Variants in APOH observed in about 807,000 individuals in gnomAD.
APOH encodes the protein apolipoprotein H.
A neutral mutation model predicts 39.8 loss-of-function variants in APOH; 48 were observed. The observed-to-expected ratio is 1.21, with a 90% CI of 0.96 to 1.54. The LOEUF (loss-of-function observed/expected upper bound fraction) is 1.54. APOH is among the 40% of genes most tolerant of loss of function. The pLI, the probability that APOH is intolerant of heterozygous loss-of-function variation, is 0.00. For synonymous variants in APOH, 153 were observed against 151.1 expected, an observed-to-expected ratio of 1.01 and a Z score of -0.09; for missense variants, 415 against 421.2, an observed-to-expected ratio of 0.99 and a Z score of 0.13.
intron 3 of APOH, 83 bp from the exon 4 acceptor site, chr17:66,223,857 T>C: frequency 2.5e-6 from 3 of 1,202,522 alleles, no homozygotes; most frequent in Non-Finnish European, 3.7e-6. Context: ...GAGCATTGCT[T>C]CATGTTAATG....
intron 3 of APOH, among the ~76,000 whole-genome samples, chr17:66,224,697 G>T (rs1296824079): frequency 7.1e-5 from 4 of 56,350 alleles, no homozygotes; most frequent in African/African-American, 2.9e-4. Context: ...GGAAGGGAAA[G>T]GAAAGGAAAG....
At chr17:66,226,246 T>G (rs1342628092) in intron 2 of APOH, 122 bp from the exon 3 acceptor site, 1 of 692,738 alleles carries the variant, frequency 1.4e-6, no homozygotes, top group Admixed American at 2.9e-5. Flanking sequence ...CATCCTTTGG[T>G]TCAATAACTT....
intron 6 of APOH, among the ~76,000 whole-genome samples, chr17:66,215,855 G>A (rs2873966): frequency 0.23 from 35,579 of 152,000 alleles, 4,613 homozygotes; most frequent in Non-Finnish European, 0.3. Context: ...ATTGAGATAC[G>A]GAAAAAGTAG....
intron 1 of APOH, among the ~76,000 whole-genome samples, 191 bp from the exon 2 acceptor site, chr17:66,228,387 C>A (rs949971232): frequency 2.6e-5 from 4 of 152,154 alleles, no homozygotes; most frequent in Non-Finnish European, 5.9e-5. Flanking sequence ...ATAATTATCC[C>A]CATTTTACAG....
chr17:66,212,856 A>T (rs945832187), intron 7 of APOH, among the ~76,000 whole-genome samples: 1 of 152,116 alleles, frequency 6.6e-6, no homozygotes, highest in Non-Finnish European at 1.5e-5. Context: ...GACTTTTTTC[A>T]ATTATTCTTT....
At chr17:66,215,548 T>C (rs557672964) in intron 6 of APOH, among the ~76,000 whole-genome samples, 1 of 152,354 alleles carries the variant, frequency 6.6e-6, no homozygotes, top group Admixed American at 6.5e-5. Context: ...GCTCTGCTTC[T>C]AGGGAACTGT....
chr17:66,221,066 G>T (rs946171163), intron 4 of APOH, among the ~76,000 whole-genome samples: 1 of 151,824 alleles, frequency 6.6e-6, no homozygotes, highest in Admixed American at 6.6e-5. Flanking sequence ...GGAGGTGTGT[G>T]TCTGTGGTCC....
rs569525743 is a variant in APOH at position 66,223,926 on chromosome 17, A to C, written c.339-152T>G. On this transcript the variant is annotated intron_variant, in intron 3 of 7. Coordinates refer to ENST00000205948, the MANE Select transcript of APOH (RefSeq NM_000042.3). ...TTCCTGACAAACTTAGTACTCATCT[A>C]TGGCTCATGGAGCCTCCCAACCAAT... 10 of 667,490 alleles carry C rather than the reference A, an allele frequency of 1.5e-5. No homozygotes were observed. In the South Asian group the frequency reaches 1.7e-4, roughly 11 times the overall value. 41.3% of individuals were successfully genotyped at this position (667,490 alleles called of 1,614,324 possible).
At chr17:66,217,836 AG>A (rs2073374844) in intron 5 of APOH, among the ~76,000 whole-genome samples, 1 of 152,020 alleles carries the variant, frequency 6.6e-6, no homozygotes, top group African/African-American at 2.4e-5. Context: ...CCAGCCACTC[AG>A]GAGGCTAAGG....
At chr17:66,217,065 CTG>C in intron 5 of APOH, 98 bp from the exon 6 acceptor site, 2 of 975,720 alleles carry the variant, frequency 2.0e-6, no homozygotes, top group Non-Finnish European at 2.9e-6. Flanking sequence ...CACTGAATCA[CTG>C]TGTGTTCCTG....
chr17:66,214,397 T>C (rs747761319), intron 7 of APOH, 56 bp downstream of exon 7: 65 of 1,500,080 alleles, frequency 4.3e-5, no homozygotes, highest in Middle Eastern at 1.8e-4. Context: ...ACAAAGGCTC[T>C]GATTATGATG....
chr17:66,214,546 A>G lies in APOH; in HGVS notation c.889T>C (p.Ser297Pro), dbSNP rs1393240129. ...KNGMLHGDKVSFFCKNKEKKC... is the reference protein window; with the variant it reads ...KNGMLHGDKVPFFCKNKEKKC... ...TTTTCCTTATTTTTGCAGAAGAAAGAAACTTTATCACCATGTAGCATTCCA... is the reference window on the plus strand; with the variant it reads ...TTTTCCTTATTTTTGCAGAAGAAAGGAACTTTATCACCATGTAGCATTCCA... Residue 297 changes from serine to proline, a missense_variant, in exon 7 of 8, where the codon TCT (serine) becomes CCT (proline). Ser to Pro is a moderately conservative substitution (Grantham distance 74, BLOSUM62 -1). Coordinates refer to ENST00000205948, the MANE Select transcript of APOH (RefSeq NM_000042.3). 48 of 1,613,988 alleles carry G rather than the reference A, an allele frequency of 3.0e-5. No individual in the cohort carries two copies. Among genetic ancestry groups the G allele is most frequent in the Non-Finnish European group, 3.9e-5 (46 of 1,179,980 alleles).
rs150681833 is a variant in APOH at position 66,228,089 on chromosome 17, G to C, written c.172C>G (p.Arg58Gly). The change falls in exon 2 of 8, where the codon CGA becomes GGA. Residue 58 changes from arginine (R) to glycine (G), a missense_variant. Around this residue, in one of 3 missense-constraint regions of APOH, gnomAD observed 288 missense variants for 284.9 expected, o/e 1.01. Transcript: ENST00000205948. ...TYSCKPGYVS[R>G]GGMRKFICPL... Reference sequence around the variant, plus strand: ...CAGATAAACTTTCTCATCCCTCCTCGGGACACATAGCCCGGCTTGCAGGAA... The same window carrying C: ...CAGATAAACTTTCTCATCCCTCCTCCGGACACATAGCCCGGCTTGCAGGAA... The C allele has an allele frequency of 6.2e-7, 1 of 1,614,042 alleles. No homozygotes were observed. Among genetic ancestry groups the C allele is most frequent in the Non-Finnish European group, 8.5e-7 (1 of 1,180,028 alleles).
At chr17:66,223,798 T>C in intron 3 of APOH, 24 bp from the exon 4 acceptor site, 1 of 1,603,552 alleles carries the variant, frequency 6.2e-7, no homozygotes, top group Non-Finnish European at 8.5e-7. Context: ...ATTCATTCTA[T>C]CAAGGAGTAA....
Position 66,212,111 on chromosome 17 carries a change from T to G in APOH, c.*22A>C. On this transcript the variant is annotated 3_prime_UTR_variant, in exon 8 of 8. Coordinates refer to ENST00000205948, the MANE Select transcript of APOH (RefSeq NM_000042.3). ...TGAACAAGAAACAAGTGTGACATTT[T>G]GTGTGGAATCTGAAAACCACCTTAG... The G allele has an allele frequency of 6.2e-7, 1 of 1,602,206 alleles. No individual in the cohort carries two copies. The highest frequency in any genetic ancestry group is 1.1e-5 in the South Asian group (1 of 90,484).
intron 7 of APOH, 29 bp from the exon 8 acceptor site, chr17:66,212,217 T>G: frequency 6.3e-7 from 1 of 1,593,238 alleles, no homozygotes; most frequent in South Asian, 1.1e-5. Context: ...ATAAACATTC[T>G]AAGAGAAACA....
At chr17:66,222,519 G>A (rs1214297468) in intron 4 of APOH, among the ~76,000 whole-genome samples, 1 of 150,700 alleles carries the variant, frequency 6.6e-6, no homozygotes, top group Non-Finnish European at 1.5e-5. Flanking sequence ...TGCTTGTTCA[G>A]GTCTTCTTAA....
At chr17:66,214,380 T>C in intron 7 of APOH, 73 bp downstream of exon 7, 1 of 1,435,646 alleles carries the variant, frequency 7.0e-7, no homozygotes, top group African/African-American at 1.4e-5. Flanking sequence ...TTGACAATCA[T>C]TATAGAACAA....
chr17:66,214,591 T>C lies in APOH; in HGVS notation c.844A>G (p.Ile282Val), dbSNP rs757323346. Residue 282 changes from isoleucine (I) to valine (V), a missense_variant, in exon 7 of 8, where the codon ATT (isoleucine) becomes GTT (valine). By Grantham distance (29) the Ile-to-Val change is conservative. Around this residue, in one of 3 missense-constraint regions of APOH, gnomAD observed 120 missense variants for 110.6 expected, o/e 1.08. Transcript: ENST00000205948. ...ATTCCATTCTTAAATTTTTCCTGAA[T>C]CTTTACTCTCTCTCCTTGGTACACC... ...TVVYQGERVK[I>V]QEKFKNGMLH... The C allele has an allele frequency of 1.2e-6, 2 of 1,614,038 alleles. No individual in the cohort carries two copies. The highest frequency in any genetic ancestry group is 8.5e-7 in the Non-Finnish European group (1 of 1,179,962).
Sources: gnomAD v4.1 joint callset for allele counts (sites outside exome capture counted in the v4.1 genomes callset) on GRCh38, gnomAD v4.1.1 for gene constraint, gnomAD v4.1.1 regional missense constraint, MANE v1.5 for transcripts, NCBI Gene and HGNC (gene_info 2026-07-23, HGNC 2026-07-21) for gene names.